SLC24A2: variants seen among roughly 807,000 people sequenced by gnomAD.
SLC24A2 encodes sodium/potassium/calcium exchanger 2.
Under a neutral mutation model 62.0 loss-of-function variants are expected in SLC24A2, and 36 were observed. The ratio of observed to expected loss-of-function variants is 0.58; its 90% CI spans 0.44 to 0.77. SLC24A2 has a LOEUF of 0.77. SLC24A2 is among the 30% of genes least tolerant of loss of function. The pLI, the probability that SLC24A2 is intolerant of heterozygous loss-of-function variation, is 0.00. For missense variants in SLC24A2, 846 were observed against 817.9 expected (o/e 1.03, Z -0.42); for synonymous variants, 358 against 294.0 (o/e 1.22, Z -2.23).
intron 7 of SLC24A2, among the ~76,000 whole-genome samples, chr9:19,572,226 C>T (rs1408698788): frequency 7.4e-6 from 1 of 136,054 alleles, no homozygotes; most frequent in African/African-American, 2.8e-5. Flanking sequence ...AGTCACTGCA[C>T]TCCAGGCTGG....
chr9:19,545,617 G>C (rs1834522628), intron 8 of SLC24A2, among the ~76,000 whole-genome samples: 1 of 151,806 alleles, frequency 6.6e-6, no homozygotes, highest in Non-Finnish European at 1.5e-5. Context: ...CTGAGTAGAT[G>C]TGCTATTCCT....
chr9:20,048,714 G>A, the SLC24A2 span, among the ~76,000 whole-genome samples: 1 of 151,698 alleles, frequency 6.6e-6, no homozygotes, highest in East Asian at 1.9e-4. Flanking sequence ...AGGGAAAAAT[G>A]GAATTCCATC....
the SLC24A2 span, among the ~76,000 whole-genome samples, chr9:19,980,582 G>A: frequency 6.6e-6 from 1 of 152,074 alleles, no homozygotes; most frequent in Non-Finnish European, 1.5e-5. Flanking sequence ...CAATTAGAAA[G>A]GAATAGAGAG....
the SLC24A2 span, among the ~76,000 whole-genome samples, chr9:20,073,450 C>T: frequency 1.3e-5 from 2 of 152,018 alleles, no homozygotes; most frequent in South Asian, 4.1e-4. Flanking sequence ...TATAACATAA[C>T]CTAATCACAG....
the SLC24A2 span, among the ~76,000 whole-genome samples, chr9:19,811,928 C>T: frequency 1.3e-5 from 2 of 151,932 alleles, no homozygotes; most frequent in Admixed American, 6.5e-5. Flanking sequence ...GGCTGAAAAA[C>T]TTTCTTTAGT....
chr9:19,820,363 A>C, the SLC24A2 span, among the ~76,000 whole-genome samples: 1 of 150,688 alleles, frequency 6.6e-6, no homozygotes, highest in Non-Finnish European at 1.5e-5. Flanking sequence ...GGTGCACTAA[A>C]ATCTCACAAA....
At chr9:19,517,957 A>ACT (rs71335435) in intron 10 of SLC24A2, among the ~76,000 whole-genome samples, 27 of 135,480 alleles carry the variant, frequency 2.0e-4, no homozygotes, top group African/African-American at 6.5e-4. Flanking sequence ...ACACACACAC[A>ACT]CTCTCACACT....
intron 7 of SLC24A2, among the ~76,000 whole-genome samples, chr9:19,558,849 C>T (rs374856621): frequency 1.1e-3 from 162 of 152,218 alleles, no homozygotes; most frequent in African/African-American, 3.7e-3. Context: ...ATTAGGTTTC[C>T]TTGGAAACTG....
At chr9:20,150,761 T>C in the SLC24A2 span, among the ~76,000 whole-genome samples, 1 of 151,938 alleles carries the variant, frequency 6.6e-6, no homozygotes, top group East Asian at 1.9e-4. Context: ...GTTATACAAC[T>C]ATTTAAAATT....
intron 4 of SLC24A2, among the ~76,000 whole-genome samples, chr9:19,608,355 T>G (rs1482570629): frequency 6.6e-6 from 1 of 151,654 alleles, no homozygotes; most frequent in African/African-American, 2.4e-5. Flanking sequence ...AGAAATAAGC[T>G]CTGGTATTTG....
At chr9:20,084,272 C>T in the SLC24A2 span, among the ~76,000 whole-genome samples, 11 of 152,294 alleles carry the variant, frequency 7.2e-5, no homozygotes, top group Admixed American at 1.3e-4. Flanking sequence ...TAGCGTACTT[C>T]AAGTGTAGTG....
intron 2 of SLC24A2, among the ~76,000 whole-genome samples, chr9:19,717,202 G>C (rs763140209): frequency 6.6e-5 from 10 of 152,140 alleles, no homozygotes; most frequent in Non-Finnish European, 1.3e-4. Context: ...CAGGCCAAAG[G>C]GCTCCAAGTT....
the SLC24A2 span, among the ~76,000 whole-genome samples, chr9:19,908,132 C>T: frequency 6.6e-6 from 1 of 152,182 alleles, no homozygotes; most frequent in Admixed American, 6.5e-5. Flanking sequence ...GGTACCAAAA[C>T]AGAGATATAG....
intron 2 of SLC24A2, among the ~76,000 whole-genome samples, chr9:19,638,916 A>G (rs942167050): frequency 2.6e-5 from 4 of 152,074 alleles, no homozygotes; most frequent in African/African-American, 9.7e-5. Flanking sequence ...GCAGGTAGCC[A>G]GGTCAGAATT....
intron 2 of SLC24A2, among the ~76,000 whole-genome samples, chr9:19,684,037 G>C (rs758924369): frequency 5.3e-5 from 8 of 152,134 alleles, no homozygotes; most frequent in Non-Finnish European, 1.0e-4. Flanking sequence ...GGAACTCACT[G>C]GATTGAAAGA....
At chr9:20,089,654 G>C in the SLC24A2 span, among the ~76,000 whole-genome samples, 1 of 151,882 alleles carries the variant, frequency 6.6e-6, no homozygotes, top group Admixed American at 6.6e-5. Flanking sequence ...GTTTCCCTGG[G>C]GAGAGGCTCC....
the SLC24A2 span, among the ~76,000 whole-genome samples, chr9:19,852,849 C>T: frequency 2.0e-5 from 3 of 151,826 alleles, no homozygotes; most frequent in Admixed American, 2.0e-4. Flanking sequence ...TTTTCTAATT[C>T]TGTGAAGAAT....
At chr9:20,177,785 T>C in the SLC24A2 span, among the ~76,000 whole-genome samples, 404 of 152,238 alleles carry the variant, frequency 2.7e-3, 3 homozygotes, top group African/African-American at 9.2e-3. Context: ...ACATACAGTA[T>C]ACTATTATAC....
chr9:20,093,897 C>T, the SLC24A2 span, among the ~76,000 whole-genome samples: 6 of 152,092 alleles, frequency 3.9e-5, no homozygotes, highest in Non-Finnish European at 8.8e-5. Flanking sequence ...TCATGCATTA[C>T]CTGTTTGTAT....
Sources: gnomAD v4.1 joint callset for allele counts (sites outside exome capture counted in the v4.1 genomes callset) on GRCh38, gnomAD v4.1.1 for gene constraint, MANE v1.5 for transcripts, NCBI Gene and HGNC (gene_info 2026-07-23, HGNC 2026-07-21) for gene names.